The following C10orf90 variants were observed in gnomAD, a reference collection of about 807,000 sequenced individuals.
C10orf90 encodes the protein (E2-independent) E3 ubiquitin-conjugating enzyme FATS.
Under a neutral mutation model 62.5 loss-of-function variants are expected in C10orf90, and 56 were observed. The ratio of observed to expected loss-of-function variants is 0.90; its 90% CI spans 0.72 to 1.12. The LOEUF is 1.12. Among genes scored for constraint, C10orf90 ranks in the 50% most tolerant of loss-of-function variants. The pLI is 0.00. For missense variants in C10orf90, 970 were observed against 880.4 expected (o/e 1.10, Z -1.29); for synonymous variants, 386 against 340.4 (o/e 1.13, Z -1.47).
chr10:126,592,187 G>GA (rs1430638662), intron 2 of C10orf90, among the ~76,000 whole-genome samples: 1 of 151,998 alleles, frequency 6.6e-6, no homozygotes, highest in Non-Finnish European at 1.5e-5. Flanking sequence ...CACAAAATTA[G>GA]AAAAAACTAT....
At chr10:126,552,048 T>C (rs575713216) in intron 2 of C10orf90, among the ~76,000 whole-genome samples, 3 of 152,326 alleles carry the variant, frequency 2.0e-5, no homozygotes, top group Admixed American at 2.0e-4. Flanking sequence ...AGAACTAGGT[T>C]GTCAAAATGC....
In C10orf90 at chr10:126,662,487, T is replaced by A. The variant is rs1846535950; in HGVS notation, c.240+7754A>T. Reference sequence around the variant, plus strand: ...GAAGCAAACTTCTGGAGCTGTTTTTTTTCCTCTCAAGAAGTGTGCCTTGCA... The same window carrying A: ...GAAGCAAACTTCTGGAGCTGTTTTTATTCCTCTCAAGAAGTGTGCCTTGCA... On this transcript the variant is annotated intron_variant, in intron 1 of 9. Coordinates refer to ENST00000488181, the MANE Select transcript of C10orf90 (RefSeq NM_001350921.2). Among the ~76,000 whole-genome samples, 2 of 152,196 alleles carry A rather than the reference T, an allele frequency of 1.3e-5. 1 individual carries two copies. Among genetic ancestry groups the A allele is most frequent in the Admixed American group, 1.3e-4 (2 of 15,280 alleles).
At chr10:126,664,162 G>A (rs1306647804) in intron 1 of C10orf90, among the ~76,000 whole-genome samples, 1 of 152,154 alleles carries the variant, frequency 6.6e-6, no homozygotes. Context: ...TTGGGGGATG[G>A]AGATTACCCT....
chr10:126,539,271 T>A (rs1264353306), intron 2 of C10orf90, among the ~76,000 whole-genome samples: 1 of 152,136 alleles, frequency 6.6e-6, no homozygotes, highest in Non-Finnish European at 1.5e-5. Context: ...CATGCTAGGG[T>A]TCTGTTCCAC....
At chr10:126,552,755 A>T (rs902168081) in intron 2 of C10orf90, among the ~76,000 whole-genome samples, 1 of 152,224 alleles carries the variant, frequency 6.6e-6, no homozygotes, top group African/African-American at 2.4e-5. Flanking sequence ...CAAGATCTTG[A>T]GCTCTTGCTG....
chr10:126,534,538 G>A (rs1159420302), intron 2 of C10orf90, among the ~76,000 whole-genome samples: 1 of 152,090 alleles, frequency 6.6e-6, no homozygotes, highest in Non-Finnish European at 1.5e-5. Flanking sequence ...TCCTTTTATG[G>A]GAGTATCATT....
chr10:126,519,530 C>T (rs1863628483), intron 2 of C10orf90, among the ~76,000 whole-genome samples: 3 of 152,188 alleles, frequency 2.0e-5, no homozygotes, highest in African/African-American at 7.2e-5. Flanking sequence ...CACTCAAATT[C>T]TTACTTCTTG....
intron 2 of C10orf90, chr10:126,523,644 C>G (rs896936312): frequency 5.3e-5 from 8 of 152,154 alleles, no homozygotes; most frequent in African/African-American, 1.9e-4. Context: ...TAAATACTTT[C>G]CTAACATGCA....
intron 7 of C10orf90, among the ~76,000 whole-genome samples, chr10:126,454,460 A>T (rs752694463): frequency 6.6e-6 from 1 of 150,954 alleles, no homozygotes; most frequent in Non-Finnish European, 1.5e-5. Context: ...CAAGGGCTGT[A>T]CCTTCTACAA....
At chr10:126,603,296 C>A (rs767604358) in intron 2 of C10orf90, among the ~76,000 whole-genome samples, 1 of 152,036 alleles carries the variant, frequency 6.6e-6, no homozygotes, top group African/African-American at 2.4e-5. Context: ...CTTCACGTGG[C>A]GGCATCAAGG....
chr10:126,666,618 C>T (rs887950353), intron 1 of C10orf90, among the ~76,000 whole-genome samples: 1 of 152,090 alleles, frequency 6.6e-6, no homozygotes, highest in Non-Finnish European at 1.5e-5. Context: ...AATGCCTTCA[C>T]GCTGCTCTGG....
At chr10:126,435,058 C>T (rs113582613) in intron 7 of C10orf90, among the ~76,000 whole-genome samples, 3,053 of 152,296 alleles carry the variant, frequency 0.02, 49 homozygotes, top group Non-Finnish European at 0.033. Flanking sequence ...AAAATCACTT[C>T]TAGCCATCTG....
intron 4 of C10orf90, among the ~76,000 whole-genome samples, chr10:126,487,373 T>C (rs905630666): frequency 6.6e-6 from 1 of 151,998 alleles, no homozygotes; most frequent in Non-Finnish European, 1.5e-5. Flanking sequence ...TAATGAAGCA[T>C]AACACTAAGC....
At chr10:126,659,684 T>C (rs1211798796) in intron 1 of C10orf90, among the ~76,000 whole-genome samples, 3 of 152,206 alleles carry the variant, frequency 2.0e-5, no homozygotes, top group African/African-American at 7.2e-5. Flanking sequence ...ACATTGATCA[T>C]ACAAAGTGAC....
chr10:126,504,135 C>T lies in C10orf90; in HGVS notation c.1356G>A (p.Leu452=), dbSNP rs767703246. The change falls in exon 4 of 10, where the codon TTG becomes TTA. Residue 452 remains leucine, a synonymous_variant. Transcript: ENST00000488181. This position sits in a 1 kb window ranked among gnomAD's most constrained non-coding sequence, Gnocchi z 4.1. ...CACTCCAAGGACAAGCGCCGGTCCC[C>T]AAATGCACCCGCCTCAACGATGGGG... ...KETPSLRRVH[L]GTGACPWSGS... The T allele has an allele frequency of 1.5e-5, 24 of 1,613,856 alleles. No homozygotes were observed. In the South Asian group the frequency reaches 2.4e-4, roughly 16 times the overall value.
At chr10:126,632,058 A>T (rs190326918) in intron 2 of C10orf90, among the ~76,000 whole-genome samples, 54 of 152,210 alleles carry the variant, frequency 3.5e-4, no homozygotes, top group Admixed American at 1.8e-3. Context: ...AATGGAAGAG[A>T]TGAGGAAATT....
rs1263568320 is a variant in C10orf90, at chr10:126,456,090, C to T, written c.2188+2950G>A. Among the ~76,000 whole-genome samples, 1 of 152,266 alleles carries T rather than the reference C, an allele frequency of 6.6e-6. No individual in the cohort carries two copies. Among genetic ancestry groups the T allele is most frequent in the South Asian group, 2.1e-4 (1 of 4,836 alleles). The stretch of plus-strand genomic sequence containing the variant: ...CTTGACACTGTAGCCAAAGCTCGTT[C>T]ACGCATATGATTTATGAACTAATTT... On this transcript the variant is annotated intron_variant, in intron 7 of 9. Transcript: ENST00000488181. The surrounding 1 kb of genome is among the most constrained non-coding windows in gnomAD (Gnocchi z 4.9).
chr10:126,514,070 T>G, intron 2 of C10orf90, 131 bp from the exon 3 acceptor site: 1 of 640,706 alleles, frequency 1.6e-6, no homozygotes, highest in Non-Finnish European at 2.6e-6. Context: ...CAGGATAGTC[T>G]AACCATGACA....
In C10orf90 at chr10:126,503,512, A is replaced by G. The variant is rs552034404; in HGVS notation, c.1534+445T>C. On this transcript the variant is annotated intron_variant, in intron 4 of 9. Transcript: ENST00000488181. ...TATGAAGCTTTGCAGTCTAGCTTTT[A>G]TATCAATGAGGCTAACTTGAAAAGT... Among the ~76,000 whole-genome samples, 42 of 152,346 alleles carry G rather than the reference A, an allele frequency of 2.8e-4. No individual in the cohort carries two copies. In the South Asian group the frequency reaches 8.7e-3, roughly 32 times the overall value.
Sources: gnomAD v4.1 joint callset for allele counts (sites outside exome capture counted in the v4.1 genomes callset) on GRCh38, gnomAD v4.1.1 for gene constraint, Gnocchi (gnomAD v3.1) non-coding constraint, MANE v1.5 for transcripts, NCBI Gene and HGNC (gene_info 2026-07-23, HGNC 2026-07-21) for gene names.